The following PTP4A3 variants were observed in gnomAD, a reference collection of about 807,000 sequenced individuals.
The protein encoded by PTP4A3 is protein tyrosine phosphatase type IVA 3.
Under a neutral mutation model 15.2 loss-of-function variants are expected in PTP4A3, and 9 were observed. The observed-to-expected ratio is 0.59, with a 90% CI of 0.36 to 1.03. The LOEUF (loss-of-function observed/expected upper bound fraction) is 1.03, where lower values mean the gene tolerates loss of function less well. Ranked by LOEUF, PTP4A3 falls within the 50% of genes least tolerant of loss-of-function variation. PTP4A3 has a pLI of 0.02. For missense variants in PTP4A3, 234 were observed against 252.1 expected (o/e 0.93, Z 0.49); for synonymous variants, 95 against 102.0 (o/e 0.93, Z 0.41).
At chr8:141,400,310 C>T (rs569055042) in intron 1 of PTP4A3, among the ~76,000 whole-genome samples, 17 of 117,462 alleles carry the variant, frequency 1.4e-4, no homozygotes, top group South Asian at 5.0e-4. Flanking sequence ...CTGTGCCAGG[C>T]GCAAACGTGG....
chr8:141,404,899 G>T (rs1212136674), intron 1 of PTP4A3, among the ~76,000 whole-genome samples: 1 of 152,206 alleles, frequency 6.6e-6, no homozygotes, highest in Non-Finnish European at 1.5e-5. Context: ...CACTCAGGCT[G>T]CCAGTACCAC....
At chr8:141,396,841 C>T (rs1359728405) in intron 1 of PTP4A3, among the ~76,000 whole-genome samples, 2 of 152,162 alleles carry the variant, frequency 1.3e-5, no homozygotes, top group African/African-American at 2.4e-5. Flanking sequence ...GACAAGCTGA[C>T]GTGCGGGTCC....
chr8:141,393,717 C>T (rs1447511485), intron 1 of PTP4A3, among the ~76,000 whole-genome samples: 2 of 152,242 alleles, frequency 1.3e-5, no homozygotes, highest in Non-Finnish European at 2.9e-5. Flanking sequence ...GGGGCCTCAG[C>T]TGGTCCCCTC....
At chr8:141,401,159 G>A (rs1832580672) in intron 1 of PTP4A3, among the ~76,000 whole-genome samples, 1 of 152,288 alleles carries the variant, frequency 6.6e-6, no homozygotes, top group East Asian at 1.9e-4. Context: ...AGCTGCCATG[G>A]TCGTCCTGTT....
intron 1 of PTP4A3, among the ~76,000 whole-genome samples, chr8:141,414,567 T>G (rs1457749759): frequency 6.7e-6 from 1 of 148,502 alleles, no homozygotes; most frequent in African/African-American, 2.6e-5. Flanking sequence ...CAGGAGAGGT[T>G]CGGGCAGGTG....
At chr8:141,409,830 C>T (rs1038089801) in intron 1 of PTP4A3, among the ~76,000 whole-genome samples, 6 of 152,374 alleles carry the variant, frequency 3.9e-5, no homozygotes, top group Admixed American at 6.5e-5. Flanking sequence ...GCCCTGCTTG[C>T]GCTGGCGAGG....
chr8:141,416,491 A>G (rs748224823), intron 1 of PTP4A3, among the ~76,000 whole-genome samples: 1 of 152,094 alleles, frequency 6.6e-6, no homozygotes, highest in Non-Finnish European at 1.5e-5. Flanking sequence ...GAGTCCCTGA[A>G]GCTGACCCAT....
chr8:141,422,907 G>C (rs1487550922), intron 2 of PTP4A3, among the ~76,000 whole-genome samples: 1 of 152,234 alleles, frequency 6.6e-6, no homozygotes, highest in Non-Finnish European at 1.5e-5. Context: ...GACGAGATGC[G>C]TTTACAGAAG....
At chr8:141,415,153 G>A (rs371095042) in intron 1 of PTP4A3, among the ~76,000 whole-genome samples, 1 of 152,116 alleles carries the variant, frequency 6.6e-6, no homozygotes, top group Non-Finnish European at 1.5e-5. Flanking sequence ...AGCCGGGGCA[G>A]GCTGCAGGGT....
intron 1 of PTP4A3, among the ~76,000 whole-genome samples, chr8:141,397,769 C>T (rs1563722988): frequency 6.6e-6 from 1 of 152,244 alleles, no homozygotes; most frequent in Non-Finnish European, 1.5e-5. Context: ...TATCTTTGCC[C>T]ATCAGAGCTG....
intron 5 of PTP4A3, 147 bp downstream of exon 5, chr8:141,427,971 G>A (rs1833664381): frequency 2.5e-6 from 2 of 793,232 alleles, no homozygotes; most frequent in Non-Finnish European, 3.9e-6. Flanking sequence ...GCAGAAACGG[G>A]GAAGCCTGAG....
At chr8:141,426,044 C>T (rs1415289181) in intron 3 of PTP4A3, among the ~76,000 whole-genome samples, 4 of 152,140 alleles carry the variant, frequency 2.6e-5, no homozygotes, top group Admixed American at 6.5e-5. Context: ...TCCACAGCAG[C>T]GGGAGGGATT....
At position 141,416,935 on chromosome 8, in the gene PTP4A3, A is replaced by G. The variant is rs549404582; in HGVS notation, c.-853-4453A>G. 7.9e-5 allele frequency among the ~76,000 whole-genome samples: 12 copies of G among 152,212 alleles called. No individual in the cohort carries two copies. In the East Asian group the frequency reaches 1.4e-3, roughly 17 times the overall value. ...ACCAGGTTGTTTGAGAGCTGCAAGC[A>G]GGGCCACACCTCCAGGGACCCTGTG... On this transcript the variant is annotated intron_variant, in intron 1 of 5. Transcript: ENST00000521578.
At chr8:141,421,169 G>A (rs1199125178) in intron 1 of PTP4A3, among the ~76,000 whole-genome samples, 2 of 152,182 alleles carry the variant, frequency 1.3e-5, no homozygotes, top group African/African-American at 2.4e-5. Context: ...CTACCCTGTC[G>A]CCTCTGGGCC....
At position 141,431,090 on chromosome 8, in the gene PTP4A3, G is replaced by A. The variant is rs376805811; in HGVS notation, c.*46G>A. ...TGGTCGTCATGTAGGTCAGGACCTT[G>A]GCTGGACCTGGAGGCCCTGCCCAGC... On this transcript the variant is annotated 3_prime_UTR_variant, in exon 6 of 6. Transcript: ENST00000521578. 1.6e-5 allele frequency: 25 copies of A among 1,586,668 alleles called. No individual in the cohort carries two copies. In the African/African-American group the frequency reaches 3.1e-4, roughly 20 times the overall value.
chr8:141,393,964 T>C (rs1832372355), intron 1 of PTP4A3, among the ~76,000 whole-genome samples: 1 of 152,202 alleles, frequency 6.6e-6, no homozygotes, highest in Admixed American at 6.5e-5. Context: ...ATTTCTGTGG[T>C]GTAACTACTC....
At chr8:141,400,107 C>A (rs555057407) in intron 1 of PTP4A3, among the ~76,000 whole-genome samples, 2 of 152,172 alleles carry the variant, frequency 1.3e-5, no homozygotes, top group African/African-American at 2.4e-5. Context: ...CCATGTTAGC[C>A]GGGCTGCTTC....
chr8:141,413,867 C>CTGTGT (rs1418186292), intron 1 of PTP4A3, among the ~76,000 whole-genome samples: 5 of 152,130 alleles, frequency 3.3e-5, no homozygotes, highest in African/African-American at 1.2e-4. Context: ...ATGAAAGATG[C>CTGTGT]GGTATGGACA....
chr8:141,398,176 G>A (rs1157310354), intron 1 of PTP4A3, among the ~76,000 whole-genome samples: 2 of 152,206 alleles, frequency 1.3e-5, no homozygotes, highest in Admixed American at 1.3e-4. Flanking sequence ...ATGAGGGGTG[G>A]AGTGGGCCAG....
Sources: allele counts gnomAD v4.1 joint callset (sites outside exome capture counted in the v4.1 genomes callset), GRCh38; gene constraint gnomAD v4.1.1; transcripts MANE v1.5; gene names NCBI Gene and HGNC (gene_info 2026-07-23, HGNC 2026-07-21).